INSC: variants seen among roughly 807,000 people sequenced by gnomAD.
The protein encoded by INSC is INSC spindle orientation adaptor protein, also known as protein inscuteable homolog.
INSC carries 67 observed loss-of-function variants against 58.6 expected under a neutral mutation model. That is an observed-to-expected ratio of 1.14 (90% confidence interval 0.94 to 1.40). The LOEUF is 1.40. Ranked by LOEUF, INSC falls within the 40% of genes most tolerant of loss-of-function variation. The pLI, the probability that INSC is intolerant of heterozygous loss-of-function variation, is 0.00. For synonymous variants in INSC, 262 were observed against 276.1 expected, an observed-to-expected ratio of 0.95 and a Z score of 0.51; for missense variants, 714 against 692.0, an observed-to-expected ratio of 1.03 and a Z score of -0.36.
chr11:15,149,352 T>G, intron 2 of INSC, 122 bp downstream of exon 2: 1 of 1,001,528 alleles, frequency 1.0e-6, no homozygotes. Context: ...CTGGGGAGGA[T>G]GCCGAGCATA....
intron 2 of INSC, among the ~76,000 whole-genome samples, chr11:15,157,273 C>T (rs1360260294): frequency 1.3e-5 from 2 of 152,222 alleles, no homozygotes; most frequent in Admixed American, 1.3e-4. Context: ...TGGCCCCTGG[C>T]CTCTCCAGCT....
chr11:15,194,337 T>TA (rs1850292179), intron 6 of INSC, among the ~76,000 whole-genome samples: 2 of 152,170 alleles, frequency 1.3e-5, no homozygotes, highest in Non-Finnish European at 2.9e-5. Context: ...GCAACAGTGG[T>TA]TCCCAGTGCC....
At chr11:15,230,037 T>A (rs1417440142) in intron 9 of INSC, among the ~76,000 whole-genome samples, 1 of 83,854 alleles carries the variant, frequency 1.2e-5, no homozygotes, top group Admixed American at 1.6e-4. Flanking sequence ...TATATATATA[T>A]ATAAAAGCCA....
intron 5 of INSC, chr11:15,188,082 C>G (rs1482912392): frequency 1.6e-6 from 1 of 636,876 alleles, no homozygotes; most frequent in Admixed American, 6.3e-5. Flanking sequence ...GAGGAGTCCC[C>G]TGTCCCACAG....
chr11:15,192,210 G>A (rs76472006), intron 6 of INSC, among the ~76,000 whole-genome samples: 7,748 of 152,286 alleles, frequency 0.051, 291 homozygotes, highest in South Asian at 0.11. Flanking sequence ...CTGTTGATTG[G>A]GTCCTACATT....
intron 1 of INSC, among the ~76,000 whole-genome samples, chr11:15,138,711 T>A (rs1004122502): frequency 6.6e-6 from 1 of 152,224 alleles, no homozygotes; most frequent in Admixed American, 6.5e-5. Flanking sequence ...GCCTGCTGGG[T>A]CAAAGTAGCT....
At chr11:15,195,402 G>A (rs1850337484) in intron 6 of INSC, among the ~76,000 whole-genome samples, 1 of 152,048 alleles carries the variant, frequency 6.6e-6, no homozygotes, top group African/African-American at 2.4e-5. Context: ...TGGCACATGG[G>A]TTCTGAAGAT....
chr11:15,212,031 AGC>A (rs1315039276), intron 7 of INSC, among the ~76,000 whole-genome samples: 3 of 152,192 alleles, frequency 2.0e-5, no homozygotes, highest in African/African-American at 7.2e-5. Context: ...TTTTAGAATC[AGC>A]TTGTCAATGT....
rs540137782 is a variant in INSC, at chr11:15,121,824, A to G, written c.-46+6821A>G. ...TGGGTTATAGTCAATTATTATCTTT[A>G]TTTTATCTCAATGTTCACATTGTCC... On this transcript the variant is annotated intron_variant, in intron 1 of 12. Coordinates refer to ENST00000379556, the MANE Select transcript of INSC (RefSeq NM_001042536.3). 4.6e-5 allele frequency among the ~76,000 whole-genome samples: 7 copies of G among 152,224 alleles called. No individual in the cohort carries two copies. The East Asian group carries it at 1.4e-3, about 29-fold the overall frequency.
intron 5 of INSC, among the ~76,000 whole-genome samples, chr11:15,178,878 C>G (rs1467784393): frequency 6.6e-6 from 1 of 152,168 alleles, no homozygotes; most frequent in Non-Finnish European, 1.5e-5. Flanking sequence ...GAACCTGATC[C>G]CCCTCTTCTC....
intron 8 of INSC, among the ~76,000 whole-genome samples, chr11:15,224,288 G>T (rs368517692): frequency 2.0e-5 from 3 of 152,278 alleles, no homozygotes; most frequent in African/African-American, 7.2e-5. Context: ...TACTTTGAGG[G>T]TATTCAGAAT....
At chr11:15,113,553 G>A (rs911707811), upstream of INSC, among the ~76,000 whole-genome samples, 1 of 152,192 alleles carries the variant, frequency 6.6e-6, no homozygotes, top group Non-Finnish European at 1.5e-5. Flanking sequence ...CAGTGGTAAT[G>A]CCCAGCCAGG....
intron 2 of INSC, among the ~76,000 whole-genome samples, chr11:15,172,744 G>A (rs971039297): frequency 6.6e-6 from 1 of 152,184 alleles, no homozygotes; most frequent in African/African-American, 2.4e-5. Context: ...CGGGAAATGG[G>A]GAGGTTGAAT....
In INSC at chr11:15,242,961, C is replaced by G. The variant is rs536934353; in HGVS notation, c.1470+2438C>G. On this transcript the variant is annotated intron_variant, in intron 12 of 12. Transcript: ENST00000379556. ...CAAGCCATGCTCTTTCTCTCCCACT[C>G]TCTTACAGCACTGGTCTCCAGCACT... is the stretch of plus-strand genomic sequence containing the variant. Among the ~76,000 whole-genome samples, 48 of 152,334 alleles carry G rather than the reference C, an allele frequency of 3.2e-4. 1 individual carries two copies. The highest frequency in any genetic ancestry group is 1.1e-3 in the African/African-American group (47 of 41,566).
At chr11:15,160,249 G>A (rs114615029) in intron 2 of INSC, among the ~76,000 whole-genome samples, 1,816 of 152,280 alleles carry the variant, frequency 0.012, 43 homozygotes, top group African/African-American at 0.042. Flanking sequence ...AGAGATCAAG[G>A]TCAAGACCTC....
rs992807104 is a variant in INSC, at chr11:15,209,780, A to G, written c.819+8831A>G. 5.9e-5 allele frequency among the ~76,000 whole-genome samples: 9 copies of G among 152,080 alleles called. No homozygotes were observed. In the East Asian group the frequency reaches 1.7e-3, roughly 29 times the overall value. On this transcript the variant is annotated intron_variant, in intron 7 of 12. Transcript: ENST00000379556. ...GAGGTGAAATGATGTGCACACCCAC[A>G]TTCCCGAGATCAACCACAGGGCTGA...
At chr11:15,174,921 T>C (rs1849522076) in intron 2 of INSC, among the ~76,000 whole-genome samples, 1 of 152,254 alleles carries the variant, frequency 6.6e-6, no homozygotes, top group African/African-American at 2.4e-5. Context: ...CAATGCTTTA[T>C]CAATGATCTG....
At position 15,154,691 on chromosome 11, in the gene INSC, T is replaced by C. The variant is rs574912118; in HGVS notation, c.56+5461T>C. Among the ~76,000 whole-genome samples, 23 of 152,332 alleles carry C rather than the reference T, an allele frequency of 1.5e-4. No homozygotes were observed. The South Asian group carries it at 4.8e-3, about 32-fold the overall frequency. On this transcript the variant is annotated intron_variant, in intron 2 of 12. Transcript: ENST00000379556. The stretch of plus-strand genomic sequence containing the variant: ...TGTTCTTGGACAATTTTTCTCTCTC[T>C]CTGAGCCTTAGTTTCTTCATCTGAG...
At chr11:15,250,206 C>T (rs1436167345), downstream of INSC, among the ~76,000 whole-genome samples, 1 of 152,080 alleles carries the variant, frequency 6.6e-6, no homozygotes. Context: ...CAGGAGGATT[C>T]CTCCATGAGT....
Sources: allele counts gnomAD v4.1 joint callset (sites outside exome capture counted in the v4.1 genomes callset), GRCh38; gene constraint gnomAD v4.1.1; transcripts MANE v1.5; gene names NCBI Gene and HGNC (gene_info 2026-07-23, HGNC 2026-07-21).